CKMT2: variants seen among roughly 807,000 people sequenced by gnomAD.
CKMT2 encodes the protein creatine kinase S-type, mitochondrial.
Under a neutral mutation model 48.9 loss-of-function variants are expected in CKMT2, and 43 were observed. The observed-to-expected ratio is 0.88, with a 90% CI of 0.69 to 1.13. CKMT2 has a LOEUF of 1.13. CKMT2 is among the 50% of genes most tolerant of loss of function. The pLI is 0.00. For missense variants in CKMT2, 472 were observed against 555.4 expected (o/e 0.85, Z 1.51); for synonymous variants, 206 against 213.0 (o/e 0.97, Z 0.29).
chr5:81,252,503 C>T (rs1453459479), intron 2 of CKMT2, among the ~76,000 whole-genome samples, 192 bp from the exon 3 acceptor site: 3 of 152,196 alleles, frequency 2.0e-5, no homozygotes, highest in Admixed American at 6.5e-5. Context: ...GCAAAGTCCC[C>T]GCTCTCGTGG....
Position 81,257,758 on chromosome 5 carries a change from A to G in CKMT2, c.781A>G (p.Ile261Val), listed in dbSNP as rs1340675013. 2.5e-6 allele frequency: 4 copies of G among 1,612,154 alleles called. No homozygotes were observed. The highest frequency in any genetic ancestry group is 3.4e-6 in the Non-Finnish European group (4 of 1,178,328). Reference protein sequence around the residue: ...IWHNYDKTFLIWINEEDHTRV... With the variant: ...IWHNYDKTFLVWINEEDHTRV... ...GCATAATTATGATAAGACATTTCTC[A>G]TCTGGATAAATGAGGAGGATCACAC... The change falls in exon 7 of 10, where the codon ATC (isoleucine) becomes GTC (valine). Residue 261 changes from isoleucine (I) to valine (V), a missense_variant. Coordinates refer to ENST00000254035, the MANE Select transcript of CKMT2 (RefSeq NM_001099735.2).
In CKMT2 at chr5:81,252,737, C is replaced by T. The variant is rs200789133; in HGVS notation, c.195C>T (p.Ala65=). ...PDLRKHNNCM[A]ECLTPAIYAK... ...TGCGCAAGCACAACAACTGCATGGC[C>T]GAGTGCCTCACCCCCGCCATTTATG... Residue 65 remains alanine, a synonymous_variant, in exon 3 of 10, where the codon GCC becomes GCT. Transcript: ENST00000254035. 9.9e-6 allele frequency: 16 copies of T among 1,614,188 alleles called. No individual in the cohort carries two copies. The highest frequency in any genetic ancestry group is 5.0e-5 in the Admixed American group (3 of 60,024).
At chr5:81,234,623 G>T (rs928018676) in intron 1 of CKMT2, among the ~76,000 whole-genome samples, 7 of 152,176 alleles carry the variant, frequency 4.6e-5, no homozygotes. Flanking sequence ...GTGGGTTAAG[G>T]CACTGTCACA....
intron 5 of CKMT2, among the ~76,000 whole-genome samples, chr5:81,256,606 C>A (rs1463852678): frequency 1.3e-5 from 2 of 152,178 alleles, no homozygotes; most frequent in African/African-American, 4.8e-5. Flanking sequence ...GTAGTGTATA[C>A]CCGCTCCACA....
At chr5:81,257,302 G>A (rs1757047461) in intron 6 of CKMT2, among the ~76,000 whole-genome samples, 1 of 152,078 alleles carries the variant, frequency 6.6e-6, no homozygotes, top group Non-Finnish European at 1.5e-5. Context: ...GGATGGACAG[G>A]CAGGATCCAT....
intron 1 of CKMT2, among the ~76,000 whole-genome samples, chr5:81,246,148 A>G (rs1288901212): frequency 6.6e-6 from 1 of 151,438 alleles, no homozygotes; most frequent in Non-Finnish European, 1.5e-5. Flanking sequence ...TGGCAGCCAG[A>G]GCTACCCCTG....
chr5:81,258,548 G>A (rs1343585938), intron 7 of CKMT2, among the ~76,000 whole-genome samples: 1 of 152,118 alleles, frequency 6.6e-6, no homozygotes, highest in East Asian at 1.9e-4. Context: ...TATGTTGACT[G>A]CTTTACATCA....
At chr5:81,256,848 C>A in intron 5 of CKMT2, 67 bp from the exon 6 acceptor site, 1 of 1,161,198 alleles carries the variant, frequency 8.6e-7, no homozygotes, top group South Asian at 1.4e-5. Context: ...ACTTGTTCAC[C>A]TGGCACTTGC....
At chr5:81,252,601 G>A (rs1214428451) in intron 2 of CKMT2, 94 bp from the exon 3 acceptor site, 6 of 1,282,896 alleles carry the variant, frequency 4.7e-6, no homozygotes, top group African/African-American at 1.5e-5. Flanking sequence ...TGGCTGAAGG[G>A]AGCCTAGTGG....
chr5:81,238,010 T>A (rs1466596735), intron 1 of CKMT2: 2 of 152,078 alleles, frequency 1.3e-5, no homozygotes, highest in Non-Finnish European at 2.9e-5. Flanking sequence ...ACTCACACAT[T>A]TGTAAAATAT....
chr5:81,252,492 G>A (rs201659536), intron 2 of CKMT2, among the ~76,000 whole-genome samples: 1 of 152,192 alleles, frequency 6.6e-6, no homozygotes, highest in African/African-American at 2.4e-5. Context: ...TTTTCAAAAA[G>A]GCAAAGTCCC....
At chr5:81,248,764 T>A (rs1756698125) in intron 1 of CKMT2, among the ~76,000 whole-genome samples, 1 of 152,226 alleles carries the variant, frequency 6.6e-6, no homozygotes, top group Non-Finnish European at 1.5e-5. Context: ...CTGTAACCTA[T>A]ATCCTGTAAC....
At chr5:81,260,007 TATC>T (rs796496350) in intron 8 of CKMT2, among the ~76,000 whole-genome samples, 71 of 152,012 alleles carry the variant, frequency 4.7e-4, no homozygotes, top group African/African-American at 1.6e-3. Context: ...AAAGAACGGA[TATC>T]ATAACAGTCT....
At position 81,266,134 on chromosome 5, in the gene CKMT2, C is replaced by A; in HGVS notation, c.1141-5C>A. 1 of 1,611,534 alleles carries A rather than the reference C, an allele frequency of 6.2e-7. No homozygotes were observed. The highest frequency in any genetic ancestry group is 8.5e-7 in the Non-Finnish European group (1 of 1,178,060). On this transcript the variant is annotated splice_region_variant and splice_polypyrimidine_tract_variant and intron_variant, in intron 9 of 9. Transcript: ENST00000254035. ...ATTAATCATTCATCTTCTTCACTGT[C>A]AAAGGTTGAGCTTGTTCAGATAGTC...
intron 7 of CKMT2, 121 bp downstream of exon 7, chr5:81,257,977 G>GAAAATAAAATTA: frequency 4.4e-6 from 4 of 906,612 alleles, no homozygotes; most frequent in Non-Finnish European, 6.4e-6. Context: ...AGAAATCAAA[G>GAAAATAAAATTA]CAACTGCCGC....
At position 81,255,094 on chromosome 5, in the gene CKMT2, C is replaced by T. The variant is rs773058500; in HGVS notation, c.549C>T (p.Ala183=). The part of the protein sequence containing the change: ...GLSLPPACTR[A]ERREVENVAI... ...GCCTGCCTCCAGCCTGCACCCGGGC[C>T]GAGCGAAGGGAGGTAGAGAACGTGG... is the stretch of plus-strand genomic sequence containing the variant. Residue 183 remains alanine, a synonymous_variant, in exon 5 of 10, where the codon GCC becomes GCT. Coordinates refer to ENST00000254035, the MANE Select transcript of CKMT2 (RefSeq NM_001099735.2). 17 of 1,613,922 alleles carry T rather than the reference C, an allele frequency of 1.1e-5. No homozygotes were observed. The South Asian group carries it at 1.2e-4, about 11-fold the overall frequency.
At chr5:81,243,401 TAAG>T (rs966462935) in intron 1 of CKMT2, among the ~76,000 whole-genome samples, 2 of 152,078 alleles carry the variant, frequency 1.3e-5, no homozygotes, top group African/African-American at 4.8e-5. Context: ...TAGGGGGTGA[TAAG>T]AAGCAAGAAA....
chr5:81,265,750 C>T (rs1214721711), intron 9 of CKMT2, among the ~76,000 whole-genome samples: 1 of 152,166 alleles, frequency 6.6e-6, no homozygotes, highest in African/African-American at 2.4e-5. Context: ...ATCTGAGCTA[C>T]ATTAGCATAT....
chr5:81,249,985 C>A lies in CKMT2; in HGVS notation c.-20-1128C>A, dbSNP rs544842583. Reference sequence around the variant, plus strand: ...CTTTGTTTGCTTAGATTATGTTACACCTCTTGAATCATGGATTCTTTTATC... The same window carrying A: ...CTTTGTTTGCTTAGATTATGTTACAACTCTTGAATCATGGATTCTTTTATC... On this transcript the variant is annotated intron_variant, in intron 1 of 9. Transcript: ENST00000254035. Among the ~76,000 whole-genome samples the A allele has an allele frequency of 6.6e-5, 10 of 152,254 alleles. No individual in the cohort carries two copies. In the East Asian group the frequency reaches 1.5e-3, roughly 23 times the overall value.
Sources: gnomAD v4.1 joint callset for allele counts (sites outside exome capture counted in the v4.1 genomes callset) on GRCh38, gnomAD v4.1.1 for gene constraint, MANE v1.5 for transcripts, NCBI Gene and HGNC (gene_info 2026-07-23, HGNC 2026-07-21) for gene names.